DNAJB14: variants seen among roughly 807,000 people sequenced by gnomAD.
The protein encoded by DNAJB14 is dnaJ homolog subfamily B member 14.
Under a neutral mutation model 48.4 loss-of-function variants are expected in DNAJB14, and 22 were observed. The ratio of observed to expected loss-of-function variants is 0.45; its 90% CI spans 0.32 to 0.65. The LOEUF (loss-of-function observed/expected upper bound fraction) is 0.65, where lower values mean the gene tolerates loss of function less well. DNAJB14 is among the 30% of genes least tolerant of loss of function. DNAJB14 has a pLI of 0.03. For synonymous variants in DNAJB14, 142 were observed against 158.7 expected, an observed-to-expected ratio of 0.89 and a Z score of 0.79; for missense variants, 319 against 458.8, an observed-to-expected ratio of 0.70 and a Z score of 2.78.
At chr4:99,911,340 A>T (rs1725653453) in intron 3 of DNAJB14, among the ~76,000 whole-genome samples, 1 of 152,166 alleles carries the variant, frequency 6.6e-6, no homozygotes, top group African/African-American at 2.4e-5. Flanking sequence ...ATTACAAATA[A>T]AATTGCTATA....
intron 3 of DNAJB14, among the ~76,000 whole-genome samples, chr4:99,915,015 T>C (rs1248517145): frequency 1.3e-5 from 2 of 152,108 alleles, no homozygotes; most frequent in Admixed American, 1.3e-4. Context: ...TGATTTCTAC[T>C]CTTATAATTT....
In DNAJB14 at chr4:99,896,604, T is replaced by G. The variant is rs910158768; in HGVS notation, c.*4424A>C. 1.1e-4 allele frequency: 17 copies of G among 152,240 alleles called. No homozygotes were observed. The highest frequency in any genetic ancestry group is 4.1e-4 in the African/African-American group (17 of 41,544). The allele number at this position is 152,240 out of a possible 1,614,324, so 9.4% of individuals were successfully genotyped here. A position where few individuals can be genotyped will look rare whatever the true frequency, so the allele number is the denominator to read the frequency against. ...AAGTCTTATGTAGCAATCCAAAAAC[T>G]AAAACTAGAAATTGGCAAGAAGCAT... On this transcript the variant is annotated 3_prime_UTR_variant, in exon 8 of 8. Coordinates refer to ENST00000442697, the MANE Select transcript of DNAJB14 (RefSeq NM_001031723.4).
In DNAJB14 at chr4:99,898,872, CT is replaced by C. The variant is rs1302146974; in HGVS notation, c.*2155del. Reference sequence around the variant, plus strand: ...AAAGTTAACTCCAAATTATAAGATACTTGTTGAGCTTTTATACCATGATATA... The same window carrying C: ...AAAGTTAACTCCAAATTATAAGATACTGTTGAGCTTTTATACCATGATATA... On this transcript the variant is annotated 3_prime_UTR_variant, in exon 8 of 8. Transcript: ENST00000442697. The C allele has an allele frequency of 1.3e-5, 2 of 151,878 alleles. No homozygotes were observed. Among genetic ancestry groups the C allele is most frequent in the African/African-American group, 4.8e-5 (2 of 41,412 alleles). The allele number at this position is 151,878 out of a possible 1,614,324, so 9.4% of individuals were successfully genotyped here.
At chr4:99,924,834 T>A in intron 2 of DNAJB14, 6 of 1,518,916 alleles carry the variant, frequency 4.0e-6, no homozygotes, top group Non-Finnish European at 5.5e-6. Context: ...TCAAAGTTAT[T>A]CTATAACTAA....
intron 1 of DNAJB14, chr4:99,942,469 T>A (rs1338006483): frequency 6.6e-6 from 1 of 152,102 alleles, no homozygotes; most frequent in Non-Finnish European, 1.5e-5. Context: ...AAACTACAGT[T>A]ACTGAGTTCT....
intron 2 of DNAJB14, chr4:99,928,559 A>G (rs1373783317): frequency 2.3e-6 from 1 of 443,158 alleles, no homozygotes; most frequent in Non-Finnish European, 4.6e-6. Context: ...AAGAGGCATC[A>G]ATGCTCTTCC....
chr4:99,916,787 A>G (rs1578221392), intron 3 of DNAJB14, among the ~76,000 whole-genome samples: 1 of 152,176 alleles, frequency 6.6e-6, no homozygotes, highest in African/African-American at 2.4e-5. Flanking sequence ...GTTAGTCTGA[A>G]TTAAGTACAG....
intron 5 of DNAJB14, chr4:99,906,273 G>A: frequency 8.7e-7 from 1 of 1,146,250 alleles, no homozygotes; most frequent in Non-Finnish European, 1.2e-6. Context: ...CATGCATAGT[G>A]CAGGTGTACC....
At chr4:99,922,809 A>C (rs1726108305) in intron 3 of DNAJB14, 2 of 384,932 alleles carry the variant, frequency 5.2e-6, no homozygotes, top group East Asian at 8.6e-5. Flanking sequence ...GTGCCTAGAA[A>C]AGTTACTTGA....
intron 4 of DNAJB14, among the ~76,000 whole-genome samples, chr4:99,908,111 A>T (rs1231294692): frequency 6.6e-6 from 1 of 152,196 alleles, no homozygotes; most frequent in Non-Finnish European, 1.5e-5. Context: ...ATGTAAGTGG[A>T]GTTTGATACT....
chr4:99,903,674 G>C (rs545420966), intron 7 of DNAJB14, 52 bp downstream of exon 7: 1 of 1,549,996 alleles, frequency 6.5e-7, no homozygotes, highest in African/African-American at 1.4e-5. Context: ...ACATTAATCA[G>C]TTCCAAAGAC....
intron 2 of DNAJB14, chr4:99,924,388 G>T (rs766772642): frequency 9.9e-5 from 16 of 162,136 alleles, no homozygotes; most frequent in South Asian, 1.6e-4. Context: ...AAATATTTTT[G>T]AAGTAAATGA....
chr4:99,909,819 A>C (rs1465390127), intron 3 of DNAJB14, among the ~76,000 whole-genome samples: 1 of 152,042 alleles, frequency 6.6e-6, no homozygotes, highest in Non-Finnish European at 1.5e-5. Context: ...GAAAAAAAAG[A>C]CTACCTGAAA....
At chr4:99,903,281 AAAAAG>A (rs1252310909) in intron 7 of DNAJB14, among the ~76,000 whole-genome samples, 2 of 152,174 alleles carry the variant, frequency 1.3e-5, no homozygotes, top group Admixed American at 1.3e-4. Context: ...AAAGTAAAGA[AAAAAG>A]AAATGTCAAC....
intron 3 of DNAJB14, among the ~76,000 whole-genome samples, chr4:99,911,261 G>A (rs1335952301): frequency 3.3e-5 from 5 of 152,090 alleles, no homozygotes; most frequent in Non-Finnish European, 7.4e-5. Flanking sequence ...AGTAGTCCAT[G>A]GTTAAGGATG....
chr4:99,943,383 T>C (rs1357465080), intron 1 of DNAJB14, among the ~76,000 whole-genome samples: 1 of 152,220 alleles, frequency 6.6e-6, no homozygotes, highest in African/African-American at 2.4e-5. Context: ...ACAAACTGTG[T>C]TGTGCTTTGG....
At chr4:99,909,886 T>A (rs1489641777) in intron 3 of DNAJB14, among the ~76,000 whole-genome samples, 1 of 152,088 alleles carries the variant, frequency 6.6e-6, no homozygotes, top group Non-Finnish European at 1.5e-5. Flanking sequence ...TTGTAATGCT[T>A]TGAATCTAAA....
At chr4:99,935,646 G>T (rs1350484850) in intron 1 of DNAJB14, among the ~76,000 whole-genome samples, 1 of 152,128 alleles carries the variant, frequency 6.6e-6, no homozygotes, top group Non-Finnish European at 1.5e-5. Context: ...TCTAAATGGT[G>T]GGCTTCCCCT....
In DNAJB14 at chr4:99,908,759, T is replaced by C; in HGVS notation, c.589A>G (p.Thr197Ala). 1 of 1,609,344 alleles carries C rather than the reference T, an allele frequency of 6.2e-7. No homozygotes were observed. The highest frequency in any genetic ancestry group is 8.5e-7 in the Non-Finnish European group (1 of 1,178,092). Residue 197 changes from threonine to alanine, a missense_variant, in exon 4 of 8, where the codon ACT becomes GCT. Around this residue, in one of 3 missense-constraint regions of DNAJB14, gnomAD observed 166 missense variants for 236.3 expected, o/e 0.70. Transcript: ENST00000442697. ...NFHRGCEADI[T>A]PEDLFNIFFG... ...AATATATTAAACAAGTCTTCTGGAG[T>C]TATATCAGCTTCACAACCTCTATGG...
Sources: allele counts gnomAD v4.1 joint callset (sites outside exome capture counted in the v4.1 genomes callset), GRCh38; gene constraint gnomAD v4.1.1; regional missense constraint gnomAD v4.1.1; transcripts MANE v1.5; gene names NCBI Gene and HGNC (gene_info 2026-07-23, HGNC 2026-07-21).